Variants in SETBP1 observed in about 807,000 individuals in gnomAD.
SETBP1 encodes the protein SET binding protein 1.
A neutral mutation model predicts 101.0 loss-of-function variants in SETBP1; 9 were observed. The observed-to-expected ratio is 0.09, with a 90% CI of 0.05 to 0.16. The LOEUF is 0.16. Ranked by LOEUF, SETBP1 falls within the 10% of genes least tolerant of loss-of-function variation. SETBP1 has a pLI of 1.00. For synonymous variants in SETBP1, 818 were observed against 788.5 expected (o/e 1.04, Z -0.63); for missense variants, 1,858 against 2,033.8 (o/e 0.91, Z 1.66).
chr18:45,009,785 G>T (rs1019011704), intron 4 of SETBP1, among the ~76,000 whole-genome samples: 1 of 152,106 alleles, frequency 6.6e-6, no homozygotes, highest in Admixed American at 6.5e-5. Context: ...CTGCATTGTT[G>T]CATACCATGC....
intron 2 of SETBP1, among the ~76,000 whole-genome samples, chr18:44,744,188 T>A (rs1238037280): frequency 6.6e-6 from 1 of 152,222 alleles, no homozygotes; most frequent in Non-Finnish European, 1.5e-5. Context: ...AGTCTCAGGC[T>A]CCTGGGTCTC....
Position 45,038,749 on chromosome 18 carries a change from C to A in SETBP1, c.4171+94C>A, listed in dbSNP as rs75325170. On this transcript the variant is annotated intron_variant, in intron 5 of 5. Coordinates refer to ENST00000649279, the MANE Select transcript of SETBP1 (RefSeq NM_015559.3). ...GGCCTGTTGAATACAGGTAAGAGTT[C>A]TCTGTTTTGCCATCCTCCCCTAGAC... 4,584 of 1,355,276 alleles carry A rather than the reference C, an allele frequency of 3.4e-3. 101 individuals carry two copies. In the Admixed American group the frequency reaches 0.048, roughly 14 times the overall value. The allele number at this position is 1,355,276 out of a possible 1,614,324, so 84.0% of individuals were successfully genotyped here.
chr18:44,801,351 G>C (rs950859826), intron 2 of SETBP1, among the ~76,000 whole-genome samples: 2 of 152,162 alleles, frequency 1.3e-5, no homozygotes, highest in African/African-American at 2.4e-5. Flanking sequence ...GGAAGTTCTA[G>C]GCAGCTACTC....
intron 2 of SETBP1, among the ~76,000 whole-genome samples, chr18:44,780,338 C>T (rs28418412): frequency 6.6e-6 from 1 of 152,138 alleles, no homozygotes; most frequent in Admixed American, 6.5e-5. Context: ...CTGAATAACA[C>T]ACTTCTCATT....
chr18:44,753,724 C>T lies in SETBP1; in HGVS notation c.486+51892C>T, dbSNP rs77780913. Among the ~76,000 whole-genome samples the T allele has an allele frequency of 7.6e-3, 1,153 of 152,210 alleles. 5 individuals are homozygous for T. Among genetic ancestry groups the T allele is most frequent in the Non-Finnish European group, 0.013 (871 of 68,014 alleles). ...CATGGGTGGAAATCAAGTCAAGTGT[C>T]TAGGGAAAGAATAGTGGAACACTAA... is the stretch of plus-strand genomic sequence containing the variant. On this transcript the variant is annotated intron_variant, in intron 2 of 5. Transcript: ENST00000649279.
chr18:45,027,240 C>T (rs1452728250), intron 4 of SETBP1, among the ~76,000 whole-genome samples: 1 of 152,160 alleles, frequency 6.6e-6, no homozygotes, highest in Non-Finnish European at 1.5e-5. Context: ...TTCTGCACTT[C>T]TGAATTAAGA....
intron 4 of SETBP1, among the ~76,000 whole-genome samples, chr18:45,024,986 C>T (rs1471215405): frequency 6.6e-6 from 1 of 152,194 alleles, no homozygotes; most frequent in Non-Finnish European, 1.5e-5. Context: ...AAGGGAGCCG[C>T]CTGGAGGCAC....
At chr18:44,748,290 T>G (rs1027110849) in intron 2 of SETBP1, among the ~76,000 whole-genome samples, 2 of 152,088 alleles carry the variant, frequency 1.3e-5, no homozygotes, top group African/African-American at 4.8e-5. Context: ...TTTCTCAGAG[T>G]TAGTATAAAA....
At chr18:44,998,298 C>T (rs1014295796) in intron 4 of SETBP1, among the ~76,000 whole-genome samples, 4 of 152,234 alleles carry the variant, frequency 2.6e-5, no homozygotes, top group Admixed American at 1.3e-4. Context: ...GTGGTAGCCC[C>T]GTTTCCGGGG....
chr18:45,005,170 T>C (rs775561938), intron 4 of SETBP1, among the ~76,000 whole-genome samples: 1 of 152,186 alleles, frequency 6.6e-6, no homozygotes, highest in Non-Finnish European at 1.5e-5. Flanking sequence ...ATGTACTACA[T>C]AGTCACATTG....
At chr18:45,033,791 G>C (rs2073343633) in intron 4 of SETBP1, among the ~76,000 whole-genome samples, 2 of 152,118 alleles carry the variant, frequency 1.3e-5, no homozygotes, top group African/African-American at 4.8e-5. Flanking sequence ...TTATTTTAAA[G>C]AAACTATGCA....
intron 5 of SETBP1, 106 bp from the exon 6 acceptor site, chr18:45,062,973 C>A (rs1457853003): frequency 5.5e-6 from 8 of 1,460,974 alleles, no homozygotes; most frequent in Non-Finnish European, 4.7e-6. Flanking sequence ...AGCATTAATT[C>A]TCTATAATCT....
chr18:45,063,690 C>T lies in SETBP1; in HGVS notation c.4783C>T (p.Leu1595Phe), dbSNP rs762753017. 1 of 1,607,352 alleles carries T rather than the reference C, an allele frequency of 6.2e-7. No homozygotes were observed. Among genetic ancestry groups the T allele is most frequent in the African/African-American group, 1.3e-5 (1 of 74,720 alleles). Reference protein sequence around the residue: ...RKSRGSESEVLP With the variant: ...RKSRGSESEVFP ...GTCCCGAGGGAGTGAGAGCGAGGTC[C>T]TTCCCTAGGGCGGGTCTGGGCGTCT... The change falls in exon 6 of 6, where the codon CTT becomes TTT. Residue 1595 changes from leucine (L) to phenylalanine (F), a missense_variant. Transcript: ENST00000649279.
chr18:45,029,068 A>G (rs2073233829), intron 4 of SETBP1, among the ~76,000 whole-genome samples: 1 of 152,278 alleles, frequency 6.6e-6, no homozygotes, highest in Non-Finnish European at 1.5e-5. Flanking sequence ...TTGGTGTTTT[A>G]GACATGAAGT....
intron 1 of SETBP1, among the ~76,000 whole-genome samples, chr18:44,693,579 G>A (rs1189645310): frequency 6.6e-6 from 1 of 152,016 alleles, no homozygotes; most frequent in Non-Finnish European, 1.5e-5. Flanking sequence ...AGTCACTTGT[G>A]ACTCCCCACC....
chr18:44,687,999 G>T (rs983611744), intron 1 of SETBP1, among the ~76,000 whole-genome samples: 5 of 152,180 alleles, frequency 3.3e-5, no homozygotes, highest in African/African-American at 9.7e-5. Flanking sequence ...TTTGATTTGG[G>T]TTGGAGTAGG....
chr18:44,949,008 G>T (rs907959949), intron 3 of SETBP1, among the ~76,000 whole-genome samples: 4 of 151,996 alleles, frequency 2.6e-5, no homozygotes, highest in African/African-American at 9.7e-5. Flanking sequence ...TGACACATTT[G>T]TCTAGTAGAC....
intron 5 of SETBP1, among the ~76,000 whole-genome samples, chr18:45,049,984 G>A (rs1444314083): frequency 1.3e-5 from 2 of 152,154 alleles, no homozygotes; most frequent in Non-Finnish European, 2.9e-5. Flanking sequence ...TTTGAAATGA[G>A]GCAGCAGTTG....
At chr18:45,002,773 A>G (rs1362450749) in intron 4 of SETBP1, among the ~76,000 whole-genome samples, 1 of 152,162 alleles carries the variant, frequency 6.6e-6, no homozygotes, top group East Asian at 1.9e-4. Flanking sequence ...TGTTTTCTTT[A>G]TATAGAAAGG....
Sources: gnomAD v4.1 joint callset for allele counts (sites outside exome capture counted in the v4.1 genomes callset) on GRCh38, gnomAD v4.1.1 for gene constraint, MANE v1.5 for transcripts, NCBI Gene and HGNC (gene_info 2026-07-23, HGNC 2026-07-21) for gene names.